Variants in PCDHA9 observed in about 807,000 individuals in gnomAD.
PCDHA9 encodes the protein protocadherin alpha 9.
A neutral mutation model predicts 62.0 loss-of-function variants in PCDHA9; 62 were observed. The ratio of observed to expected loss-of-function variants is 1.00; its 90% confidence interval spans 0.81 to 1.23. The LOEUF is 1.23. Among genes scored for constraint, PCDHA9 ranks in the 50% most tolerant of loss-of-function variants. The pLI is 0.00. For missense variants in PCDHA9, 1,205 were observed against 1,249.8 expected, an observed-to-expected ratio of 0.96 and a Z score of 0.54; for synonymous variants, 557 against 567.6, an observed-to-expected ratio of 0.98 and a Z score of 0.27.
intron 1 of PCDHA9, chr5:140,929,209 G>C (rs553616030): frequency 1.2e-6 from 2 of 1,613,936 alleles, no homozygotes. Context: ...GCTGTTGCGT[G>C]GGGAGTACAA....
Position 140,856,254 on chromosome 5 carries a change from G to C in PCDHA9, c.2394+5365G>C, listed in dbSNP as rs1554148458. 6.9e-6 allele frequency: 11 copies of C among 1,598,144 alleles called. No homozygotes were observed. Among genetic ancestry groups the C allele is most frequent in the Admixed American group, 1.7e-5 (1 of 59,266 alleles). ...CGCCTGTTCCGGGTGGCGTCCAAAA[G>C]ACACGGGGACCTTCTGGAGGTAAAT... On this transcript the variant is annotated intron_variant, in intron 1 of 3. Transcript: ENST00000532602.
At chr5:140,993,727 T>C (rs1482867785) in intron 3 of PCDHA9, among the ~76,000 whole-genome samples, 1 of 152,220 alleles carries the variant, frequency 6.6e-6, no homozygotes, top group Non-Finnish European at 1.5e-5. Context: ...ACCTTTTCTA[T>C]GTTTAGATAC....
At position 140,941,253 on chromosome 5, in the gene PCDHA9, TTC is replaced by T. The variant is rs371538795; in HGVS notation, c.2395-37692_2395-37691del. 4.9e-3 allele frequency among the ~76,000 whole-genome samples: 316 copies of T among 64,734 alleles called. 2 individuals carry two copies. The highest frequency in any genetic ancestry group is 6.9e-3 in the Admixed American group (39 of 5,692). 42.5% of individuals were successfully genotyped at this position (64,734 alleles called of 152,430 possible). On this transcript the variant is annotated intron_variant, in intron 1 of 3. Coordinates refer to ENST00000532602, the MANE Select transcript of PCDHA9 (RefSeq NM_031857.2). ...TTTCTTTCTTTCTTTCTTTCTTTCT[TTC>T]TCTTTCTTTCTTTCTTTCCTTCCTT...
chr5:140,876,560 C>T (rs2056422143), intron 1 of PCDHA9: 2 of 1,614,068 alleles, frequency 1.2e-6, no homozygotes, highest in African/African-American at 2.7e-5. Flanking sequence ...CAAGAGGATG[C>T]TCAGGTGGGT....
At chr5:140,857,560 G>T in intron 1 of PCDHA9, 1 of 1,596,914 alleles carries the variant, frequency 6.3e-7, no homozygotes, top group Non-Finnish European at 8.6e-7. Flanking sequence ...GCTCGCTGTC[G>T]AGCTACGTGT....
chr5:140,883,508 G>C (rs939760233), intron 1 of PCDHA9: 19 of 1,614,202 alleles, frequency 1.2e-5, no homozygotes, highest in Non-Finnish European at 1.5e-5. Flanking sequence ...CAGCGCCCTG[G>C]ACCGCGAGAG....
intron 1 of PCDHA9, chr5:140,868,793 C>T: frequency 3.1e-6 from 1 of 326,092 alleles, no homozygotes; most frequent in Non-Finnish European, 5.5e-6. Context: ...CTGAATATTC[C>T]ATAAATAAGC....
intron 1 of PCDHA9, among the ~76,000 whole-genome samples, chr5:140,902,795 A>G (rs555172255): frequency 6.8e-4 from 103 of 151,862 alleles, no homozygotes; most frequent in African/African-American, 2.3e-3. Context: ...TCTCACTTGT[A>G]TGTGAGAATA....
At chr5:140,859,250 T>C (rs952505479) in intron 1 of PCDHA9, 7 of 133,126 alleles carry the variant, frequency 5.3e-5, no homozygotes, top group African/African-American at 1.9e-4. Flanking sequence ...TGTTTAATAA[T>C]GAAGAGAATT....
At chr5:140,909,288 A>G (rs1441603045) in intron 1 of PCDHA9, among the ~76,000 whole-genome samples, 2 of 152,234 alleles carry the variant, frequency 1.3e-5, no homozygotes, top group Non-Finnish European at 2.9e-5. Context: ...GGTGGGCCTT[A>G]TGGACAGGAA....
chr5:140,884,253 C>G (rs1356283866), intron 1 of PCDHA9: 2 of 1,613,302 alleles, frequency 1.2e-6, no homozygotes, highest in Non-Finnish European at 1.7e-6. Flanking sequence ...CTGACGGCCA[C>G]GGCAACGGTG....
intron 3 of PCDHA9, among the ~76,000 whole-genome samples, chr5:140,995,684 A>T (rs2097694657): frequency 6.6e-6 from 1 of 152,144 alleles, no homozygotes; most frequent in Non-Finnish European, 1.5e-5. Flanking sequence ...ATTTTTTTTA[A>T]TTGTTAAATA....
chr5:140,901,953 G>T (rs545807968), intron 1 of PCDHA9, among the ~76,000 whole-genome samples: 1 of 151,712 alleles, frequency 6.6e-6, no homozygotes, highest in African/African-American at 2.4e-5. Flanking sequence ...AGTTTTATTC[G>T]TGGCTATCGT....
intron 1 of PCDHA9, chr5:140,928,706 A>T: frequency 6.2e-7 from 1 of 1,613,858 alleles, no homozygotes; most frequent in Non-Finnish European, 8.5e-7. Flanking sequence ...CGGGCGTCTG[A>T]CTCTAGTCTC....
chr5:140,928,989 A>C (rs1554206541), intron 1 of PCDHA9: 2 of 1,613,706 alleles, frequency 1.2e-6, no homozygotes, highest in Non-Finnish European at 1.7e-6. Flanking sequence ...TGGGGTGCTT[A>C]CTTTTCTTCG....
intron 3 of PCDHA9, among the ~76,000 whole-genome samples, chr5:140,988,304 C>T (rs1554250029): frequency 6.6e-6 from 1 of 152,308 alleles, no homozygotes; most frequent in African/African-American, 2.4e-5. Flanking sequence ...GGAGTGCCAG[C>T]TTGGCTTGGC....
chr5:140,870,017 G>T, intron 1 of PCDHA9: 1 of 1,613,620 alleles, frequency 6.2e-7, no homozygotes, highest in Non-Finnish European at 8.5e-7. Flanking sequence ...AGGGTCAATG[G>T]AACTTTAGAT....
intron 1 of PCDHA9, among the ~76,000 whole-genome samples, chr5:140,892,783 T>C (rs1554185363): frequency 6.6e-6 from 1 of 152,168 alleles, no homozygotes; most frequent in African/African-American, 2.4e-5. Context: ...TTCTTGAAAA[T>C]ATGTAAGAAA....
chr5:140,853,046 T>G (rs546337330), intron 1 of PCDHA9: 2 of 266,574 alleles, frequency 7.5e-6, no homozygotes, highest in Non-Finnish European at 1.2e-5. Flanking sequence ...GCCCGCCTAA[T>G]TTTTTTGTAT....
Sources: allele counts gnomAD v4.1 joint callset (sites outside exome capture counted in the v4.1 genomes callset), GRCh38; gene constraint gnomAD v4.1.1; transcripts MANE v1.5; gene names NCBI Gene and HGNC (gene_info 2026-07-23, HGNC 2026-07-21).